Variants in AHI1 observed in about 807,000 individuals in gnomAD.
The protein encoded by AHI1 is jouberin.
AHI1 carries 123 observed loss-of-function variants against 149.3 expected under a neutral mutation model. The ratio of observed to expected loss-of-function variants is 0.82; its 90% CI spans 0.71 to 0.96. The LOEUF is 0.96. Among genes scored for constraint, AHI1 ranks in the 40% least tolerant of loss-of-function variants. The pLI is 0.00. For missense variants in AHI1, 1,439 were observed against 1,422.7 expected (o/e 1.01, Z -0.18); for synonymous variants, 475 against 459.8 (o/e 1.03, Z -0.42).
intron 24 of AHI1, among the ~76,000 whole-genome samples, chr6:135,342,200 A>C (rs1200794849): frequency 1.3e-5 from 2 of 151,944 alleles, no homozygotes; most frequent in Non-Finnish European, 2.9e-5. Context: ...AGCTTATATG[A>C]AAGGGACAAA....
At position 135,488,412 on chromosome 6, in the gene AHI1, T is replaced by C. The variant is rs993351657; in HGVS notation, c.135+2211A>G. On this transcript the variant is annotated intron_variant, in intron 5 of 28. Transcript: ENST00000265602. ...AGATTTTTCCGTAGTGTCAATTCCA[T>C]CATTTTAGGCCTGAGATATAGTTTT... is the stretch of plus-strand genomic sequence containing the variant. Among the ~76,000 whole-genome samples the C allele has an allele frequency of 2.6e-5, 4 of 152,296 alleles. No individual in the cohort carries two copies. In the South Asian group the frequency reaches 8.3e-4, roughly 32 times the overall value.
chr6:135,396,603 G>A (rs1255580821), intron 22 of AHI1, among the ~76,000 whole-genome samples: 1 of 151,802 alleles, frequency 6.6e-6, no homozygotes, highest in Non-Finnish European at 1.5e-5. Flanking sequence ...ATATGATGAT[G>A]TAGCCAATTT....
chr6:135,371,693 T>TA, intron 23 of AHI1, among the ~76,000 whole-genome samples: 1 of 152,288 alleles, frequency 6.6e-6, no homozygotes, highest in Middle Eastern at 3.4e-3. Flanking sequence ...TGAAGTCATA[T>TA]AGTTTAGTTT....
intron 24 of AHI1, among the ~76,000 whole-genome samples, chr6:135,332,124 C>A (rs1191858588): frequency 6.7e-6 from 1 of 149,152 alleles, no homozygotes; most frequent in Admixed American, 6.7e-5. Flanking sequence ...GGCTGGAGTG[C>A]AGTGGTGCAG....
chr6:135,468,722 T>C (rs1791215153), intron 5 of AHI1, among the ~76,000 whole-genome samples: 1 of 152,030 alleles, frequency 6.6e-6, no homozygotes, highest in South Asian at 2.1e-4. Flanking sequence ...TATAAACAAC[T>C]CTATGCAAAT....
intron 5 of AHI1, among the ~76,000 whole-genome samples, chr6:135,486,592 T>C (rs1243094851): frequency 2.0e-5 from 3 of 152,154 alleles, no homozygotes; most frequent in Non-Finnish European, 4.4e-5. Context: ...CATATATTTA[T>C]ATAGAGTTTT....
chr6:135,490,226 C>G lies in AHI1; in HGVS notation c.135+397G>C. On this transcript the variant is annotated intron_variant, in intron 5 of 28. Coordinates refer to ENST00000265602, the MANE Select transcript of AHI1 (RefSeq NM_001134831.2). ...ATACGGCCATTGATTTCTCCTGGTT[C>G]TGTTGGGTAGAATCACACAGAAATA... 5 of 724,022 alleles carry G rather than the reference C, an allele frequency of 6.9e-6. 1 individual carries two copies. The Middle Eastern group carries it at 1.1e-3, about 166-fold the overall frequency. The allele number at this position is 724,022 out of a possible 1,614,324, so 44.8% of individuals were successfully genotyped here. A position where few individuals can be genotyped will look rare whatever the true frequency, so the allele number is the denominator to read the frequency against.
At chr6:135,345,526 G>T (rs1020943389) in intron 24 of AHI1, among the ~76,000 whole-genome samples, 4 of 152,144 alleles carry the variant, frequency 2.6e-5, no homozygotes, top group African/African-American at 4.8e-5. Flanking sequence ...CCACAACATG[G>T]ATGAACCTTG....
chr6:135,304,816 T>A (rs796074983), intron 26 of AHI1, among the ~76,000 whole-genome samples: 1 of 152,218 alleles, frequency 6.6e-6, no homozygotes, highest in South Asian at 2.1e-4. Context: ...TTTTGGATAC[T>A]AATTGTGCCA....
chr6:135,377,306 T>C (rs189777890), intron 23 of AHI1, among the ~76,000 whole-genome samples: 7 of 152,310 alleles, frequency 4.6e-5, no homozygotes, highest in Admixed American at 2.6e-4. Flanking sequence ...TGGGGAATAA[T>C]AGGCCCTGAA....
At chr6:135,314,460 C>T (rs760547393) in intron 26 of AHI1, among the ~76,000 whole-genome samples, 11 of 152,330 alleles carry the variant, frequency 7.2e-5, no homozygotes, top group Admixed American at 1.3e-4. Context: ...TTACAGCAGA[C>T]ACAACTAAGA....
At chr6:135,468,934 A>G (rs1791254394) in intron 5 of AHI1, among the ~76,000 whole-genome samples, 1 of 152,192 alleles carries the variant, frequency 6.6e-6, no homozygotes, top group Non-Finnish European at 1.5e-5. Flanking sequence ...GGTACACAAC[A>G]GAACTGGAAC....
chr6:135,326,452 A>G lies in AHI1; in HGVS notation c.3166-3128T>C, dbSNP rs147705832. ...CTTCTTTTTTAAAAAAATTATTTCA[A>G]TAGCTTTAGGGGTACAAGTGGTTTC... On this transcript the variant is annotated intron_variant, in intron 24 of 28. Coordinates refer to ENST00000265602, the MANE Select transcript of AHI1 (RefSeq NM_001134831.2). 7.4e-4 allele frequency among the ~76,000 whole-genome samples: 112 copies of G among 152,232 alleles called. 1 individual carries two copies. The highest frequency in any genetic ancestry group is 2.6e-3 in the African/African-American group (108 of 41,532).
chr6:135,331,245 G>T (rs990763643), intron 24 of AHI1, among the ~76,000 whole-genome samples: 21 of 152,156 alleles, frequency 1.4e-4, no homozygotes, highest in Non-Finnish European at 2.5e-4. Flanking sequence ...GTCCATCTTG[G>T]TAATGACAGG....
intron 5 of AHI1, among the ~76,000 whole-genome samples, chr6:135,472,741 A>G (rs1264817678): frequency 6.6e-6 from 1 of 152,156 alleles, no homozygotes; most frequent in Non-Finnish European, 1.5e-5. Flanking sequence ...TTTCCTAATT[A>G]CTATGACAGC....
At chr6:135,394,948 A>G (rs199724981) in intron 22 of AHI1, 52 bp from the exon 23 acceptor site, 8 of 1,544,444 alleles carry the variant, frequency 5.2e-6, no homozygotes, top group Non-Finnish European at 6.1e-6. Context: ...TGGATTACTA[A>G]TGCAAAAACT....
intron 28 of AHI1, among the ~76,000 whole-genome samples, chr6:135,288,483 A>C (rs1453984848): frequency 1.3e-5 from 2 of 152,064 alleles, no homozygotes; most frequent in Non-Finnish European, 1.5e-5. Context: ...TAAGTAGATA[A>C]ATTAGAAAAT....
intron 23 of AHI1, among the ~76,000 whole-genome samples, chr6:135,386,203 G>C (rs988729316): frequency 2.0e-5 from 3 of 150,514 alleles, no homozygotes; most frequent in African/African-American, 7.4e-5. Flanking sequence ...ATTCCTCCAC[G>C]TATCAGTGCT....
intron 6 of AHI1, among the ~76,000 whole-genome samples, chr6:135,466,775 T>C (rs902512133): frequency 1.3e-5 from 2 of 152,266 alleles, no homozygotes; most frequent in East Asian, 1.9e-4. Context: ...GAAATATACA[T>C]GGGTCATTTA....
Sources: allele counts gnomAD v4.1 joint callset (sites outside exome capture counted in the v4.1 genomes callset), GRCh38; gene constraint gnomAD v4.1.1; transcripts MANE v1.5; gene names NCBI Gene and HGNC (gene_info 2026-07-23, HGNC 2026-07-21).